The following MROH7 variants were observed in gnomAD, a reference collection of about 807,000 sequenced individuals.
MROH7 encodes maestro heat-like repeat-containing protein family member 7.
In MROH7, 113 loss-of-function variants were observed where a neutral mutation model predicts 129.2. The ratio of observed to expected loss-of-function variants is 0.87; its 90% confidence interval spans 0.75 to 1.02. The LOEUF (loss-of-function observed/expected upper bound fraction) is 1.02, where lower values mean the gene tolerates loss of function less well. Ranked by LOEUF, MROH7 falls within the 50% of genes least tolerant of loss-of-function variation. MROH7 has a pLI of 0.00. For synonymous variants in MROH7, 655 were observed against 667.9 expected, an observed-to-expected ratio of 0.98 and a Z score of 0.30; for missense variants, 1,601 against 1,671.3, an observed-to-expected ratio of 0.96 and a Z score of 0.73.
Position 54,709,988 on chromosome 1 carries a change from T to A in MROH7, c.3773T>A (p.Ile1258Asn), listed in dbSNP as rs1645597733. 2 of 1,613,988 alleles carry A rather than the reference T, an allele frequency of 1.2e-6. No individual in the cohort carries two copies. The highest frequency in any genetic ancestry group is 1.7e-6 in the Non-Finnish European group (2 of 1,180,022). The change falls in exon 24 of 24, where the codon ATC becomes AAC. Residue 1258 changes from isoleucine to asparagine, a missense_variant. Coordinates refer to ENST00000421030, the MANE Select transcript of MROH7 (RefSeq NM_001039464.4). ...LRHDPEASVC[I>N]YAAQVQDHIL... is the part of the protein sequence containing the mutation. The stretch of plus-strand genomic sequence containing the variant: ...CATGACCCAGAAGCATCAGTGTGCA[T>A]CTACGCAGCCCAGGTCCAGGACCAC...
intron 1 of MROH7, among the ~76,000 whole-genome samples, chr1:54,647,751 A>AT (rs1644489021): frequency 6.6e-6 from 1 of 150,540 alleles, no homozygotes; most frequent in African/African-American, 2.4e-5. Context: ...GAAAAAAAAA[A>AT]AAAATTAGCT....
In MROH7 at chr1:54,686,317, C is replaced by A. The variant is rs1240344908; in HGVS notation, c.2580C>A (p.Arg860=). 3 of 1,614,024 alleles carry A rather than the reference C, an allele frequency of 1.9e-6. No individual in the cohort carries two copies. Among genetic ancestry groups the A allele is most frequent in the Non-Finnish European group, 2.5e-6 (3 of 1,180,030 alleles). ...SVNSCMGRVR[R]IYPQLLLALL... ...ACAGCTGCATGGGCCGTGTGAGGCG[C>A]ATCTACCCTCAGCTGCTCCTGGCCC... The change falls in exon 15 of 24, where the codon CGC becomes CGA. Residue 860 remains arginine (R), a synonymous_variant. Transcript: ENST00000421030.
chr1:54,668,526 G>A (rs745350780), intron 4 of MROH7, among the ~76,000 whole-genome samples: 1 of 152,154 alleles, frequency 6.6e-6, no homozygotes, highest in East Asian at 1.9e-4. Context: ...CCCATATGAA[G>A]TGTTACTAAT....
chr1:54,697,745 C>T (rs1480769959), intron 17 of MROH7: 3 of 695,694 alleles, frequency 4.3e-6, no homozygotes, highest in African/African-American at 3.5e-5. Flanking sequence ...CAGAGAGATT[C>T]AGAACAGGCC....
Position 54,660,313 on chromosome 1 carries a change from C to T in MROH7, c.1232-4854C>T, listed in dbSNP as rs550541920. On this transcript the variant is annotated intron_variant, in intron 3 of 23. Coordinates refer to ENST00000421030, the MANE Select transcript of MROH7 (RefSeq NM_001039464.4). ...CTTTTATAAAGGCCTTAATCCCATT[C>T]TAGACGGTGGAGCCCTCATAATTTG... Among the ~76,000 whole-genome samples the T allele has an allele frequency of 1.4e-4, 22 of 152,300 alleles. No individual in the cohort carries two copies. The South Asian group carries it at 4.6e-3, about 32-fold the overall frequency.
chr1:54,652,857 C>A lies in MROH7; in HGVS notation c.-70C>A. 1 of 1,516,444 alleles carries A rather than the reference C, an allele frequency of 6.6e-7. No individual in the cohort carries two copies. Among genetic ancestry groups the A allele is most frequent in the South Asian group, 1.3e-5 (1 of 74,520 alleles). 93.9% of individuals were successfully genotyped at this position (1,516,444 alleles called of 1,614,324 possible). A position where few individuals can be genotyped will look rare whatever the true frequency, so the allele number is the denominator to read the frequency against. On this transcript the variant is annotated 5_prime_UTR_variant, in exon 3 of 24. In the 5' UTR this introduces an upstream ATG that the reference lacks. Transcript: ENST00000421030. ...TTGTCTTTTCTCTCTCTCAAGACTG[C>A]TGCTGGGAATGTGACAGTTGGCTGT...
Position 54,673,206 on chromosome 1 carries a change from A to G in MROH7, c.1695+20A>G. On this transcript the variant is annotated intron_variant, in intron 8 of 23. Transcript: ENST00000421030. ...TTGGAGGTGCGGAGATGGGAGGGGCAAGGAAGGGAGGGGAGGAAGGGTGGA... is the reference window on the plus strand; with the variant it reads ...TTGGAGGTGCGGAGATGGGAGGGGCGAGGAAGGGAGGGGAGGAAGGGTGGA... 2 of 1,583,194 alleles carry G rather than the reference A, an allele frequency of 1.3e-6. No individual in the cohort carries two copies. The highest frequency in any genetic ancestry group is 1.7e-6 in the Non-Finnish European group (2 of 1,153,612).
chr1:54,688,328 T>C (rs1239810920), intron 15 of MROH7, among the ~76,000 whole-genome samples: 2 of 151,114 alleles, frequency 1.3e-5, no homozygotes, highest in African/African-American at 2.4e-5. Context: ...AACCTTGGCC[T>C]CCCAAAGTGC....
chr1:54,693,334 C>T (rs1219723457), intron 16 of MROH7, among the ~76,000 whole-genome samples: 2 of 152,164 alleles, frequency 1.3e-5, no homozygotes, highest in South Asian at 2.1e-4. Context: ...CCTGTAGTCC[C>T]AGCCACTCGG....
chr1:54,701,487 G>A (rs1024425395), intron 19 of MROH7, among the ~76,000 whole-genome samples, 165 bp downstream of exon 19: 11 of 152,318 alleles, frequency 7.2e-5, no homozygotes, highest in Admixed American at 7.2e-4. Context: ...TTTTGTAAAT[G>A]TTCCTTATTC....
At chr1:54,655,684 C>T (rs1644633168) in intron 3 of MROH7, among the ~76,000 whole-genome samples, 1 of 151,980 alleles carries the variant, frequency 6.6e-6, no homozygotes, top group African/African-American at 2.4e-5. Context: ...TGCCCAGCCT[C>T]TGTACATTTT....
At chr1:54,708,441 C>CAAACAAACAAACA (rs577058388) in intron 22 of MROH7, among the ~76,000 whole-genome samples, 59 of 151,920 alleles carry the variant, frequency 3.9e-4, no homozygotes, top group African/African-American at 1.2e-3. Context: ...AACAAACAAA[C>CAAACAAACAAACA]AATAGTGAGG....
chr1:54,671,594 T>C (rs986938421), intron 7 of MROH7, among the ~76,000 whole-genome samples: 4 of 152,108 alleles, frequency 2.6e-5, no homozygotes, highest in Admixed American at 2.6e-4. Flanking sequence ...AGGGGGCTCA[T>C]GCGAGCATCT....
chr1:54,705,772 C>T (rs1645522823), intron 21 of MROH7, among the ~76,000 whole-genome samples: 12 of 152,144 alleles, frequency 7.9e-5, no homozygotes, highest in Admixed American at 7.9e-4. Context: ...GATCATGAAG[C>T]TTTGCATGCC....
rs767349306 is a variant in MROH7 at position 54,692,455 on chromosome 1, C to T, written c.2743C>T (p.Leu915=). ...WVVKVVKTLL[L]RMGCSYETTF... ...GGTGAAAGTGGTGAAAACCCTGCTA[C>T]TGAGGATGGGCTGCTCTTATGAGAC... Residue 915 remains leucine, a synonymous_variant, in exon 16 of 24, where the codon CTG becomes TTG. Transcript: ENST00000421030. The T allele has an allele frequency of 3.7e-6, 6 of 1,614,134 alleles. No homozygotes were observed. Among genetic ancestry groups the T allele is most frequent in the South Asian group, 3.3e-5 (3 of 91,084 alleles).
At position 54,653,126 on chromosome 1, in the gene MROH7, C is replaced by T; in HGVS notation, c.200C>T (p.Pro67Leu). ...LVPDLNDSLS[P>L]VSGEASGLVS... is the part of the protein sequence containing the mutation. ...CCAGATCTTAATGATTCTTTGAGTC[C>T]AGTCTCAGGGGAGGCCTCAGGCCTG... Residue 67 changes from proline (P) to leucine (L), a missense_variant, in exon 3 of 24, where the codon CCA (proline) becomes CTA (leucine). Transcript: ENST00000421030. The T allele has an allele frequency of 1.2e-6, 2 of 1,614,166 alleles. No individual in the cohort carries two copies. The highest frequency in any genetic ancestry group is 1.1e-5 in the South Asian group (1 of 91,076).
intron 1 of MROH7, among the ~76,000 whole-genome samples, chr1:54,642,739 C>T (rs1341835967): frequency 6.6e-6 from 1 of 152,154 alleles, no homozygotes; most frequent in Non-Finnish European, 1.5e-5. Context: ...CCTCAGCCTC[C>T]CAAGTAGCTG....
intron 10 of MROH7, among the ~76,000 whole-genome samples, chr1:54,675,536 T>TTAA (rs1644966821): frequency 6.6e-6 from 1 of 151,832 alleles, no homozygotes; most frequent in African/African-American, 2.4e-5. Flanking sequence ...ATAAGCCATG[T>TTAA]TAATAACCAG....
At chr1:54,663,635 A>G (rs1644765290) in intron 3 of MROH7, 1 of 358,838 alleles carries the variant, frequency 2.8e-6, no homozygotes, top group Non-Finnish European at 5.4e-6. Context: ...TGGCCTCCCA[A>G]AGTGCTGGGA....
Sources: allele counts gnomAD v4.1 joint callset (sites outside exome capture counted in the v4.1 genomes callset), GRCh38; gene constraint gnomAD v4.1.1; transcripts MANE v1.5; gene names NCBI Gene and HGNC (gene_info 2026-07-23, HGNC 2026-07-21).